STAU2: variants seen among roughly 807,000 people sequenced by gnomAD.
STAU2 encodes the protein staufen double-stranded RNA binding protein 2.
Under a neutral mutation model 65.9 loss-of-function variants are expected in STAU2, and 20 were observed. The observed-to-expected ratio is 0.30, with a 90% CI of 0.21 to 0.44. The LOEUF (loss-of-function observed/expected upper bound fraction) is 0.44, where lower values mean the gene tolerates loss of function less well. STAU2 is among the 20% of genes least tolerant of loss of function. The pLI is 1.00. For missense variants in STAU2, 558 were observed against 683.9 expected (o/e 0.82, Z 2.05); for synonymous variants, 232 against 233.9 (o/e 0.99, Z 0.07).
At chr8:73,568,934 C>T (rs971613215) in intron 12 of STAU2, among the ~76,000 whole-genome samples, 1 of 152,152 alleles carries the variant, frequency 6.6e-6, no homozygotes, top group African/African-American at 2.4e-5. Flanking sequence ...GTGATTTCTG[C>T]ATTCCAACTG....
At chr8:73,435,521 T>A (rs1817621486) in intron 13 of STAU2, among the ~76,000 whole-genome samples, 2 of 151,876 alleles carry the variant, frequency 1.3e-5, no homozygotes, top group Admixed American at 1.3e-4. Context: ...GCACTCCATA[T>A]TTCTCTCCGC....
At chr8:73,533,824 T>C (rs1805998816) in intron 13 of STAU2, among the ~76,000 whole-genome samples, 1 of 152,144 alleles carries the variant, frequency 6.6e-6, no homozygotes, top group African/African-American at 2.4e-5. Flanking sequence ...TGAGGGGCCA[T>C]CCAAATAAAA....
intron 13 of STAU2, among the ~76,000 whole-genome samples, chr8:73,459,751 G>C (rs1040329766): frequency 6.6e-6 from 1 of 152,190 alleles, no homozygotes. Flanking sequence ...CACCCAACGG[G>C]CTGTTACTAA....
Position 73,649,874 on chromosome 8 carries a change from TATATATATATATATATATATATA to T in STAU2, c.410+23210_410+23232del, listed in dbSNP as rs1815719856. Among the ~76,000 whole-genome samples the T allele has an allele frequency of 1.1e-4, 12 of 112,988 alleles. No homozygotes were observed. The South Asian group carries it at 2.9e-3, about 27-fold the overall frequency. 74.1% of individuals were successfully genotyped at this position (112,988 alleles called of 152,430 possible). ...TATATGTCTTCTATATAATTTTATA[TATATATATATATATATATATATA>T]TATATATATATGGTGCAAAGATAGC... On this transcript the variant is annotated intron_variant, in intron 6 of 14. Coordinates refer to ENST00000524300, the MANE Select transcript of STAU2 (RefSeq NM_001164380.2).
At chr8:73,695,259 T>C (rs184552899) in intron 4 of STAU2, among the ~76,000 whole-genome samples, 5 of 152,332 alleles carry the variant, frequency 3.3e-5, no homozygotes, top group Admixed American at 6.5e-5. Context: ...GTCTTGCATT[T>C]TGGATATCAG....
intron 9 of STAU2, among the ~76,000 whole-genome samples, chr8:73,609,865 T>C (rs1812318484): frequency 6.6e-6 from 1 of 152,196 alleles, no homozygotes; most frequent in South Asian, 2.1e-4. Flanking sequence ...TTTATTTCTG[T>C]TTAATTTGAC....
chr8:73,521,451 T>A (rs535701585), intron 13 of STAU2, among the ~76,000 whole-genome samples: 1 of 152,242 alleles, frequency 6.6e-6, no homozygotes, highest in Non-Finnish European at 1.5e-5. Context: ...CTAGCACATA[T>A]GTATATGTAT....
intron 11 of STAU2, among the ~76,000 whole-genome samples, chr8:73,594,612 G>A (rs1369586905): frequency 6.6e-6 from 1 of 152,146 alleles, no homozygotes; most frequent in Non-Finnish European, 1.5e-5. Flanking sequence ...TGCTTCCCTT[G>A]TAACAGATGT....
At chr8:73,692,035 A>T (rs779358505) in intron 4 of STAU2, among the ~76,000 whole-genome samples, 3 of 152,128 alleles carry the variant, frequency 2.0e-5, no homozygotes, top group Non-Finnish European at 4.4e-5. Flanking sequence ...CTGAGTTAAT[A>T]ATCGATCATG....
chr8:73,508,493 G>A (rs1459305725), intron 13 of STAU2, among the ~76,000 whole-genome samples: 1 of 152,140 alleles, frequency 6.6e-6, no homozygotes, highest in Non-Finnish European at 1.5e-5. Context: ...TAACATCAAA[G>A]ATCACTGATC....
upstream of STAU2, chr8:73,747,279 G>A (rs1807356588): frequency 9.7e-6 from 13 of 1,337,910 alleles, no homozygotes; most frequent in Non-Finnish European, 1.3e-5. Context: ...CCAAGGGTGG[G>A]CCTGGGGCAG....
intron 12 of STAU2, among the ~76,000 whole-genome samples, chr8:73,577,425 T>G (rs1356367509): frequency 7.9e-6 from 1 of 126,022 alleles, no homozygotes; most frequent in African/African-American, 3.3e-5. Context: ...AGACTCCATC[T>G]CAAAAAAAAA....
chr8:73,738,834 A>G (rs1024221007), intron 2 of STAU2, among the ~76,000 whole-genome samples: 38 of 152,252 alleles, frequency 2.5e-4, no homozygotes, highest in African/African-American at 9.2e-4. Flanking sequence ...AAGATGCAAC[A>G]CCACAAGTAT....
At chr8:73,428,196 T>C (rs1353302009) in intron 13 of STAU2, among the ~76,000 whole-genome samples, 1 of 152,242 alleles carries the variant, frequency 6.6e-6, no homozygotes, top group Non-Finnish European at 1.5e-5. Context: ...TTGTTTTATA[T>C]CTCACATATA....
intron 6 of STAU2, among the ~76,000 whole-genome samples, chr8:73,620,393 G>T (rs1813139302): frequency 6.6e-6 from 1 of 152,114 alleles, no homozygotes; most frequent in South Asian, 2.1e-4. Context: ...TACAGTAGAG[G>T]GAGTGGGCGC....
At chr8:73,509,329 T>C (rs1193968336) in intron 13 of STAU2, among the ~76,000 whole-genome samples, 1 of 152,228 alleles carries the variant, frequency 6.6e-6, no homozygotes, top group Non-Finnish European at 1.5e-5. Flanking sequence ...CATTTATTCA[T>C]TTTAATTGGG....
intron 11 of STAU2, among the ~76,000 whole-genome samples, chr8:73,591,900 A>AAAAAC (rs1810821816): frequency 3.4e-5 from 5 of 145,226 alleles, no homozygotes; most frequent in Admixed American, 6.8e-5. Flanking sequence ...AAAAAAAAAA[A>AAAAAC]AAAAAAAAAA....
intron 13 of STAU2, among the ~76,000 whole-genome samples, chr8:73,515,773 CTTTTTTTTTT>C (rs75132374): frequency 6.6e-5 from 6 of 90,936 alleles, no homozygotes; most frequent in Admixed American, 4.9e-4. Context: ...AAAAATTTCT[CTTTTTTTTTT>C]TTTTTTTTTT....
chr8:73,720,081 A>G (rs1313292544), intron 3 of STAU2, among the ~76,000 whole-genome samples: 2 of 152,140 alleles, frequency 1.3e-5, no homozygotes, highest in Non-Finnish European at 2.9e-5. Context: ...GTTGGAGACC[A>G]GTCAGTACAA....
Sources: allele counts gnomAD v4.1 joint callset (sites outside exome capture counted in the v4.1 genomes callset), GRCh38; gene constraint gnomAD v4.1.1; transcripts MANE v1.5; gene names NCBI Gene and HGNC (gene_info 2026-07-23, HGNC 2026-07-21).